The following IGFN1 variants were observed in gnomAD, a reference collection of about 807,000 sequenced individuals.
IGFN1 encodes the protein immunoglobulin-like and fibronectin type III domain-containing protein 1.
Under a neutral mutation model 289.5 loss-of-function variants are expected in IGFN1, and 253 were observed. The observed-to-expected ratio is 0.87, with a 90% confidence interval of 0.79 to 0.97. The LOEUF (loss-of-function observed/expected upper bound fraction) is 0.97, where lower values mean the gene tolerates loss of function less well. Among genes scored for constraint, IGFN1 ranks in the 50% least tolerant of loss-of-function variants. The pLI, the probability that IGFN1 is intolerant of heterozygous loss-of-function variation, is 0.00. For synonymous variants in IGFN1, 1,706 were observed against 1,788.5 expected (o/e 0.95, Z 1.16); for missense variants, 4,470 against 4,686.1 (o/e 0.95, Z 1.35).
chr1:201,221,282 A>G (rs1653702890), intron 18 of IGFN1, among the ~76,000 whole-genome samples, 162 bp from the exon 19 acceptor site: 1 of 152,240 alleles, frequency 6.6e-6, no homozygotes. Context: ...TGCTGGTTAC[A>G]GTAAGAATTT....
Position 201,208,080 on chromosome 1 carries a change from G to T in IGFN1, c.3187G>T (p.Ala1063Ser). 1 of 1,537,034 alleles carries T rather than the reference G, an allele frequency of 6.5e-7. No individual in the cohort carries two copies. The highest frequency in any genetic ancestry group is 8.7e-7 in the Non-Finnish European group (1 of 1,146,870). ...CAGGAATTGGGCCTCTGCATGCCAG[G>T]CAGGCATGGACCCTAGGGGAGGGCA... ...DTRNWASACQ[A>S]GMDPRGGHHS... The change falls in exon 12 of 24, where the codon GCA becomes TCA. Residue 1063 changes from alanine to serine, a missense_variant. Around this residue, in one of 8 missense-constraint regions of IGFN1, gnomAD observed 2,011 missense variants for 1,953.4 expected, o/e 1.03. Coordinates refer to ENST00000335211, the MANE Select transcript of IGFN1 (RefSeq NM_001164586.2).
chr1:201,199,854 C>T (rs1232481618), intron 7 of IGFN1, among the ~76,000 whole-genome samples, 200 bp downstream of exon 7: 2 of 152,088 alleles, frequency 1.3e-5, no homozygotes, highest in East Asian at 1.9e-4. Flanking sequence ...CATTTCAAAG[C>T]TCTATATCCT....
Position 201,221,707 on chromosome 1 carries a change from A to T in IGFN1, c.10162A>T (p.Ser3388Cys), listed in dbSNP as rs751434037. 2.5e-6 allele frequency: 4 copies of T among 1,610,668 alleles called. No homozygotes were observed. The highest frequency in any genetic ancestry group is 4.5e-5 in the East Asian group (2 of 44,888). Residue 3388 changes from serine (S) to cysteine (C), a missense_variant, in exon 19 of 24, where the codon AGT (serine) becomes TGT (cysteine). Ser to Cys is a moderately radical substitution (Grantham distance 112). Around this residue, in one of 8 missense-constraint regions of IGFN1, gnomAD observed 2,218 missense variants for 2,114.1 expected, o/e 1.05. Coordinates refer to ENST00000335211, the MANE Select transcript of IGFN1 (RefSeq NM_001164586.2). ...TAATGAAGGAGGCCAGAGCCAGCCC[A>T]GTGCCCTGGACACATTAGTGCAAGC... ...AVNEGGQSQP[S>C]ALDTLVQAMP...
Position 201,194,260 on chromosome 1 carries a change from G to C in IGFN1, c.114G>C (p.Ser38=). ...TPDFEQKPVT[S]ALPEGKNAVF... is the part of the protein sequence containing the mutation. ...ACTTTGAGCAGAAGCCCGTCACCTC[G>C]GCTCTGCCAGAGGGTGAGCCCAGAG... Residue 38 remains serine, a synonymous_variant, in exon 3 of 24, where the codon TCG becomes TCC. Transcript: ENST00000335211. The C allele has an allele frequency of 6.4e-7, 1 of 1,551,472 alleles. No homozygotes were observed. Among genetic ancestry groups the C allele is most frequent in the Non-Finnish European group, 8.7e-7 (1 of 1,146,912 alleles).
In IGFN1 at chr1:201,194,055, T is replaced by G. The variant is rs559897656; in HGVS notation, c.8-99T>G. The G allele has an allele frequency of 1.3e-5, 18 of 1,402,284 alleles. No individual in the cohort carries two copies. In the East Asian group the frequency reaches 4.0e-4, roughly 31 times the overall value. 86.9% of individuals were successfully genotyped at this position (1,402,284 alleles called of 1,614,324 possible). On this transcript the variant is annotated intron_variant, in intron 2 of 23. Coordinates refer to ENST00000335211, the MANE Select transcript of IGFN1 (RefSeq NM_001164586.2). ...AAAAGTAGGAGCGAGAAGGGGCTTC[T>G]TGCTCCTGGGGTGAGTGGGTGGATG... is the stretch of plus-strand genomic sequence containing the variant.
chr1:201,206,255 C>G lies in IGFN1; in HGVS notation c.1362C>G (p.Leu454=). 6.5e-7 allele frequency: 1 copy of G among 1,547,942 alleles called. No homozygotes were observed. Among genetic ancestry groups the G allele is most frequent in the Admixed American group, 2.0e-5 (1 of 50,726 alleles). ...AAGGGGCTGGGCCGGCTTCTGGGCT[C>G]CAGCACATAGCCAGCCCAGACAGGG... ...SLEGAGPASG[L]QHIASPDRDG... Residue 454 remains leucine, a synonymous_variant, in exon 12 of 24, where the codon CTC becomes CTG. Coordinates refer to ENST00000335211, the MANE Select transcript of IGFN1 (RefSeq NM_001164586.2).
intron 7 of IGFN1, 101 bp downstream of exon 7, chr1:201,199,755 A>G (rs775473423): frequency 7.0e-6 from 7 of 998,564 alleles, no homozygotes; most frequent in Non-Finnish European, 1.0e-5. Flanking sequence ...CCTCTACCCA[A>G]CACAGCAGGG....
chr1:201,197,115 G>T, intron 4 of IGFN1, 103 bp from the exon 5 acceptor site: 1 of 688,162 alleles, frequency 1.5e-6, no homozygotes, highest in Non-Finnish European at 2.6e-6. Flanking sequence ...TGAGGACAAG[G>T]ACCATGTCTT....
chr1:201,207,050 A>G lies in IGFN1; in HGVS notation c.2157A>G (p.Glu719=). The part of the protein sequence containing the change: ...RGYWGSGELL[E]QIPGGKDFQE... ...ACTGGGGGTCAGGAGAGTTGCTAGA[A>G]CAGATACCTGGAGGCAAGGACTTCC... is the stretch of plus-strand genomic sequence containing the variant. The change falls in exon 12 of 24, where the codon GAA becomes GAG. Residue 719 remains glutamate (E), a synonymous_variant. Coordinates refer to ENST00000335211, the MANE Select transcript of IGFN1 (RefSeq NM_001164586.2). 6.5e-7 allele frequency: 1 copy of G among 1,536,970 alleles called. No individual in the cohort carries two copies. The highest frequency in any genetic ancestry group is 2.0e-5 in the Admixed American group (1 of 50,998).
chr1:201,218,129 C>A (rs1451237656), intron 17 of IGFN1, among the ~76,000 whole-genome samples: 1 of 152,224 alleles, frequency 6.6e-6, no homozygotes, highest in Non-Finnish European at 1.5e-5. Context: ...GGATTCAGGT[C>A]ATGGTTCTGC....
At chr1:201,228,202 C>T (rs906286927) in intron 23 of IGFN1, among the ~76,000 whole-genome samples, 184 bp from the exon 24 acceptor site, 2 of 152,192 alleles carry the variant, frequency 1.3e-5, no homozygotes, top group Non-Finnish European at 2.9e-5. Flanking sequence ...TATGGTTCCC[C>T]GAGGGGCCAG....
rs904279613 is a variant in IGFN1, at chr1:201,216,010, C to A, written c.9295+172C>A. On this transcript the variant is annotated intron_variant, in intron 15 of 23. Coordinates refer to ENST00000335211, the MANE Select transcript of IGFN1 (RefSeq NM_001164586.2). Reference sequence around the variant, plus strand: ...TCTGCTCAGACTGCTTAGGAAGAAGCAGTTGAGATGAACACAGTGCTGGGC... The same window carrying A: ...TCTGCTCAGACTGCTTAGGAAGAAGAAGTTGAGATGAACACAGTGCTGGGC... 1.0e-5 allele frequency: 8 copies of A among 765,512 alleles called. No individual in the cohort carries two copies. In the African/African-American group the frequency reaches 1.2e-4, roughly 12 times the overall value. 47.4% of individuals were successfully genotyped at this position (765,512 alleles called of 1,614,324 possible). A position where few individuals can be genotyped will look rare whatever the true frequency, so the allele number is the denominator to read the frequency against.
intron 21 of IGFN1, 61 bp downstream of exon 21, chr1:201,224,935 G>T (rs1045044738): frequency 6.2e-6 from 8 of 1,283,562 alleles, no homozygotes; most frequent in African/African-American, 2.9e-5. Flanking sequence ...AGGCAAAGAG[G>T]TGTCCACTGG....
chr1:201,199,204 C>T lies in IGFN1; in HGVS notation c.368-130C>T, dbSNP rs138725504. ...CCATCCCTCTTGCTGGGATCGTCCACGCCTTAGAGGACAGTGGGGAGAGCA... is the reference window on the plus strand; with the variant it reads ...CCATCCCTCTTGCTGGGATCGTCCATGCCTTAGAGGACAGTGGGGAGAGCA... On this transcript the variant is annotated intron_variant, in intron 5 of 23. Transcript: ENST00000335211. The T allele has an allele frequency of 1.4e-5, 11 of 782,384 alleles. 1 individual carries two copies. The highest frequency in any genetic ancestry group is 4.6e-5 in the South Asian group (3 of 65,818). The allele number at this position is 782,384 out of a possible 1,614,324, so 48.5% of individuals were successfully genotyped here. A position where few individuals can be genotyped will look rare whatever the true frequency, so the allele number is the denominator to read the frequency against.
chr1:201,215,176 C>CCCTGCCCTGCCCTGT (rs1653141849), intron 14 of IGFN1, 22 bp downstream of exon 14: 1 of 1,608,118 alleles, frequency 6.2e-7, no homozygotes, highest in African/African-American at 1.3e-5. Flanking sequence ...CCCTGCCCTG[C>CCCTGCCCTGCCCTGT]CCTGCCCTGT....
At chr1:201,226,225 G>A in intron 22 of IGFN1, 102 bp downstream of exon 22, 2 of 1,290,780 alleles carry the variant, frequency 1.5e-6, no homozygotes, top group Non-Finnish European at 2.0e-6. Flanking sequence ...TAGGGACTGT[G>A]GCAGGGATGG....
At position 201,218,652 on chromosome 1, in the gene IGFN1, C is replaced by T; in HGVS notation, c.9892C>T (p.Pro3298Ser). The T allele has an allele frequency of 1.2e-6, 2 of 1,604,264 alleles. No individual in the cohort carries two copies. The highest frequency in any genetic ancestry group is 8.5e-7 in the Non-Finnish European group (1 of 1,178,896). Reference sequence around the variant, plus strand: ...ATCGGATGCTGTCTTTGCTCGGGACCCCATGAGTAAGTAGGGCACCAACCC... The same window carrying T: ...ATCGGATGCTGTCTTTGCTCGGGACTCCATGAGTAAGTAGGGCACCAACCC... Reference protein sequence around the residue: ...PPSDAVFARDPMRPPGLVRNL... With the variant: ...PPSDAVFARDSMRPPGLVRNL... The change falls in exon 18 of 24, where the codon CCC becomes TCC. Residue 3298 changes from proline (P) to serine (S), a missense_variant. Pro to Ser is a moderately conservative substitution (Grantham distance 74, BLOSUM62 -1). This residue lies in a region of IGFN1 where 2,218 missense variants were observed against 2,114.1 expected (regional missense o/e 1.05). Coordinates refer to ENST00000335211, the MANE Select transcript of IGFN1 (RefSeq NM_001164586.2).
chr1:201,202,718 TCCC>T, intron 9 of IGFN1, among the ~76,000 whole-genome samples: 1 of 78,182 alleles, frequency 1.3e-5, no homozygotes, highest in African/African-American at 5.5e-5. Context: ...TCTTTCTTCC[TCCC>T]TCCCTCCCTC....
In IGFN1 at chr1:201,208,061, T is replaced by C. The variant is rs1025770564; in HGVS notation, c.3168T>C (p.Asn1056=). ...PDGAPMNDTR[N]WASACQAGMD... Reference sequence around the variant, plus strand: ...GAGCACCCATGAATGACACCAGGAATTGGGCCTCTGCATGCCAGGCAGGCA... The same window carrying C: ...GAGCACCCATGAATGACACCAGGAACTGGGCCTCTGCATGCCAGGCAGGCA... Residue 1056 remains asparagine, a synonymous_variant, in exon 12 of 24, where the codon AAT becomes AAC. Transcript: ENST00000335211. The C allele has an allele frequency of 2.0e-6, 3 of 1,536,786 alleles. No homozygotes were observed. The African/African-American group carries it at 4.1e-5, about 21-fold the overall frequency.
Sources: allele counts gnomAD v4.1 joint callset (sites outside exome capture counted in the v4.1 genomes callset), GRCh38; gene constraint gnomAD v4.1.1; regional missense constraint gnomAD v4.1.1; transcripts MANE v1.5; gene names NCBI Gene and HGNC (gene_info 2026-07-23, HGNC 2026-07-21).